Variants in SPOCD1 observed in about 807,000 individuals in gnomAD.
SPOCD1 encodes the protein SPOC domain-containing protein 1.
In SPOCD1, 64 loss-of-function variants were observed where a neutral mutation model predicts 92.2. That is an observed-to-expected ratio of 0.69 (90% CI 0.57 to 0.86). The LOEUF (loss-of-function observed/expected upper bound fraction) is 0.86. Among genes scored for constraint, SPOCD1 ranks in the 40% least tolerant of loss-of-function variants. The probability of loss-of-function intolerance (pLI) is 0.00; values close to 1 mark genes in which losing one functional copy is unlikely to be tolerated. For missense variants in SPOCD1, 1,360 were observed against 1,543.1 expected, an observed-to-expected ratio of 0.88 and a Z score of 1.99; for synonymous variants, 578 against 619.3, an observed-to-expected ratio of 0.93 and a Z score of 0.99.
chr1:31,809,537 A>C (rs1033197447), intron 2 of SPOCD1, among the ~76,000 whole-genome samples: 12 of 151,786 alleles, frequency 7.9e-5, no homozygotes, highest in Non-Finnish European at 1.6e-4. Flanking sequence ...CAAAAAAAAA[A>C]ACACCAAAAA....
intron 2 of SPOCD1, among the ~76,000 whole-genome samples, chr1:31,805,752 G>A (rs1248624174): frequency 6.6e-6 from 1 of 151,718 alleles, no homozygotes; most frequent in African/African-American, 2.4e-5. Context: ...TAAAATGGTA[G>A]GAGTAGATGT....
intron 15 of SPOCD1, 94 bp downstream of exon 15, chr1:31,792,121 T>C (rs893438548): frequency 5.7e-6 from 8 of 1,394,754 alleles, no homozygotes; most frequent in Non-Finnish European, 6.8e-6. Flanking sequence ...CCTTCTGAGA[T>C]GTGCCTGCCT....
Position 31,790,625 on chromosome 1 carries a change from C to T in SPOCD1, c.3629G>A (p.Cys1210Tyr), listed in dbSNP as rs1194706069. ...GGGTCAGGCCTTTCTAGGGAAGGGA[C>T]ACTCAGAGCCAGCTTCATCTGTAGG... is the stretch of plus-strand genomic sequence containing the variant. ...LGPTDEAGSECPFPRKA is the reference protein window; with the variant it reads ...LGPTDEAGSEYPFPRKA Residue 1210 changes from cysteine (C) to tyrosine (Y), a missense_variant, in exon 16 of 16, where the codon TGT (cysteine) becomes TAT (tyrosine). Cys to Tyr is a radical substitution (Grantham distance 194). Coordinates refer to ENST00000360482, the MANE Select transcript of SPOCD1 (RefSeq NM_144569.7). The T allele has an allele frequency of 6.4e-6, 10 of 1,551,788 alleles. No homozygotes were observed. Among genetic ancestry groups the T allele is most frequent in the Non-Finnish European group, 4.4e-6 (5 of 1,147,020 alleles).
intron 2 of SPOCD1, among the ~76,000 whole-genome samples, chr1:31,806,765 G>A (rs1375644616): frequency 2.6e-5 from 4 of 152,032 alleles, no homozygotes; most frequent in African/African-American, 9.7e-5. Context: ...ATGTTGGCCA[G>A]GCTGGTCTCA....
chr1:31,808,263 C>G (rs1648970197), intron 2 of SPOCD1, among the ~76,000 whole-genome samples: 1 of 151,118 alleles, frequency 6.6e-6, no homozygotes, highest in East Asian at 1.9e-4. Flanking sequence ...TCACAAAATA[C>G]GAAAAAGATA....
chr1:31,791,942 T>C (rs1647622456), intron 15 of SPOCD1, among the ~76,000 whole-genome samples: 1 of 152,262 alleles, frequency 6.6e-6, no homozygotes, highest in Non-Finnish European at 1.5e-5. Context: ...ATTCTTCTTC[T>C]ATGAGATGGA....
Position 31,798,459 on chromosome 1 carries a change from G to A in SPOCD1, c.2011C>T (p.Arg671Trp), listed in dbSNP as rs1165078436. 11 of 1,611,088 alleles carry A rather than the reference G, an allele frequency of 6.8e-6. No homozygotes were observed. The highest frequency in any genetic ancestry group is 1.3e-5 in the African/African-American group (1 of 74,916). The change falls in exon 8 of 16, where the codon CGG (arginine) becomes TGG (tryptophan). Residue 671 changes from arginine (R) to tryptophan (W), a missense_variant. Transcript: ENST00000360482. This position sits in a 1 kb window ranked among gnomAD's most constrained non-coding sequence, Gnocchi z 4.1. ...TKYRSLLFNL[R>W]DPRNLDLFLK... ...CTGCTCACCAGGTTCCTGGGGTCCC[G>A]CAGGTTGAACAGCAGGCTGCGATAC...
chr1:31,790,594 T>A lies in SPOCD1; in HGVS notation c.*9A>T. On this transcript the variant is annotated 3_prime_UTR_variant, in exon 16 of 16. Coordinates refer to ENST00000360482, the MANE Select transcript of SPOCD1 (RefSeq NM_144569.7). ...GCATCAAAACCCCTGTTCTGGTGGG[T>A]AAGGAGGGTCAGGCCTTTCTAGGGA... 6.4e-7 allele frequency: 1 copy of A among 1,550,652 alleles called. No homozygotes were observed.
At chr1:31,793,503 G>A (rs1189139159) in intron 12 of SPOCD1, 75 bp from the exon 13 acceptor site, 11 of 1,536,378 alleles carry the variant, frequency 7.2e-6, no homozygotes, top group South Asian at 1.2e-5. Context: ...TTTCTTTTCA[G>A]AGCAGATCCT....
Position 31,790,774 on chromosome 1 carries a change from A to G in SPOCD1, c.3480T>C (p.Ser1160=), listed in dbSNP as rs1356257167. 4 of 1,549,232 alleles carry G rather than the reference A, an allele frequency of 2.6e-6. No homozygotes were observed. Among genetic ancestry groups the G allele is most frequent in the Admixed American group, 2.0e-5 (1 of 50,556 alleles). The change falls in exon 16 of 16, where the codon AGT becomes AGC. Residue 1160 remains serine (S), a synonymous_variant. Coordinates refer to ENST00000360482, the MANE Select transcript of SPOCD1 (RefSeq NM_144569.7). ...GGCACAGTAAGGCTTGGAGCTGGTG[A>G]CTCATGGTCGCCAGGGATTCGAGGT... ...LRHLESLATM[S]HQLQALLCPQ... is the part of the protein sequence containing the mutation.
At chr1:31,806,044 A>G (rs1294559916) in intron 2 of SPOCD1, among the ~76,000 whole-genome samples, 1 of 152,034 alleles carries the variant, frequency 6.6e-6, no homozygotes, top group Non-Finnish European at 1.5e-5. Context: ...AATGATATGT[A>G]GTTTTACCAG....
intron 1 of SPOCD1, 62 bp downstream of exon 1, chr1:31,815,899 C>T (rs530252843): frequency 3.3e-5 from 4 of 119,406 alleles, no homozygotes; most frequent in African/African-American, 1.3e-4. Context: ...GTTCCCAAGC[C>T]TTACTGGGAC....
Position 31,798,526 on chromosome 1 carries a change from G to A in SPOCD1, c.1944C>T (p.Leu648=). Residue 648 remains leucine, a synonymous_variant, in exon 8 of 16, where the codon CTC becomes CTT. Transcript: ENST00000360482. This position sits in a 1 kb window ranked among gnomAD's most constrained non-coding sequence, Gnocchi z 4.1. ...CATTGGTGCCTTGTGTCAGGTCCCA[G>A]AGGGCTGCCTCAATGCCAGCAGCAA... The part of the protein sequence containing the change: ...EGIAAGIEAA[L]WDLTQGTNGR... The A allele has an allele frequency of 1.2e-6, 2 of 1,613,962 alleles. No homozygotes were observed. Among genetic ancestry groups the A allele is most frequent in the Non-Finnish European group, 1.7e-6 (2 of 1,180,042 alleles).
chr1:31,796,737 A>C (rs775631198), intron 9 of SPOCD1, 22 bp from the exon 10 acceptor site: 1 of 1,613,994 alleles, frequency 6.2e-7, no homozygotes, highest in South Asian at 1.1e-5. Context: ...GAGCAGGCCA[A>C]GCTGAGCCCA....
intron 2 of SPOCD1, among the ~76,000 whole-genome samples, chr1:31,807,942 G>A (rs1204267900): frequency 1.3e-5 from 2 of 152,038 alleles, no homozygotes; most frequent in Non-Finnish European, 2.9e-5. Context: ...TGATTCAAGA[G>A]AAAAACAACA....
At chr1:31,813,474 AG>A in intron 2 of SPOCD1, among the ~76,000 whole-genome samples, 1 of 152,236 alleles carries the variant, frequency 6.6e-6, no homozygotes, top group East Asian at 1.9e-4. Context: ...CATGTTGGCC[AG>A]GATGGTCTTG....
chr1:31,792,085 C>T, intron 15 of SPOCD1, 130 bp downstream of exon 15: 1 of 989,558 alleles, frequency 1.0e-6, no homozygotes, highest in Non-Finnish European at 1.5e-6. Context: ...ATTGTACTCA[C>T]ATTTGCCTGG....
intron 2 of SPOCD1, among the ~76,000 whole-genome samples, chr1:31,812,969 T>G (rs901324000): frequency 2.0e-5 from 3 of 152,194 alleles, no homozygotes; most frequent in Non-Finnish European, 2.9e-5. Flanking sequence ...CAAAAACAAG[T>G]AGAGTCTTCT....
rs958165464 is a variant in SPOCD1 at position 31,805,739 on chromosome 1, G to C, written c.1384-4034C>G. Among the ~76,000 whole-genome samples, 6 of 152,130 alleles carry C rather than the reference G, an allele frequency of 3.9e-5. No individual in the cohort carries two copies. In the East Asian group the frequency reaches 7.7e-4, roughly 20 times the overall value. ...AGACTGTGTCTCAAAAAAAAGCACA[G>C]AATAAAATGGTAGGAGTAGATGTAA... On this transcript the variant is annotated intron_variant, in intron 2 of 15. Transcript: ENST00000360482.
Sources: allele counts gnomAD v4.1 joint callset (sites outside exome capture counted in the v4.1 genomes callset), GRCh38; gene constraint gnomAD v4.1.1; non-coding constraint Gnocchi (gnomAD v3.1); transcripts MANE v1.5; gene names NCBI Gene and HGNC (gene_info 2026-07-23, HGNC 2026-07-21).